ABLIM1: variants seen among roughly 807,000 people sequenced by gnomAD.
The protein encoded by ABLIM1 is actin-binding LIM protein 1.
Under a neutral mutation model 107.0 loss-of-function variants are expected in ABLIM1, and 40 were observed. That is an observed-to-expected ratio of 0.37 (90% CI 0.29 to 0.49). ABLIM1 has a LOEUF of 0.49. Among genes scored for constraint, ABLIM1 ranks in the 20% least tolerant of loss-of-function variants. The probability of loss-of-function intolerance (pLI) is 0.97; values close to 1 mark genes in which losing one functional copy is unlikely to be tolerated. For synonymous variants in ABLIM1, 357 were observed against 357.3 expected (o/e 1.00, Z 0.01); for missense variants, 857 against 1,008.5 (o/e 0.85, Z 2.04).
At chr10:114,441,165 T>G in intron 18 of ABLIM1, 88 bp from the exon 19 acceptor site, 1 of 1,358,894 alleles carries the variant, frequency 7.4e-7, no homozygotes, top group Middle Eastern at 2.5e-4. Context: ...TACAAAATCC[T>G]AGGAATTCTT....
At chr10:114,673,150 T>C (rs1217058675) in intron 1 of ABLIM1, among the ~76,000 whole-genome samples, 1 of 150,876 alleles carries the variant, frequency 6.6e-6, no homozygotes, top group Non-Finnish European at 1.5e-5. Context: ...CCCAGCTACT[T>C]AGGAGGCTGA....
Position 114,435,182 on chromosome 10 carries a change from T to C in ABLIM1, c.*1078A>G, listed in dbSNP as rs1435436687. The C allele has an allele frequency of 6.6e-6, 1 of 151,852 alleles. No homozygotes were observed. Among genetic ancestry groups the C allele is most frequent in the African/African-American group, 2.4e-5 (1 of 41,288 alleles). 9.4% of individuals were successfully genotyped at this position (151,852 alleles called of 1,614,324 possible). On this transcript the variant is annotated 3_prime_UTR_variant, in exon 23 of 23. Coordinates refer to ENST00000533213, the MANE Select transcript of ABLIM1 (RefSeq NM_002313.7). The stretch of plus-strand genomic sequence containing the variant: ...ACGTTCGAAGGAGTCTACTTTGGAG[T>C]TGCAGAGATTTAAAAGAGAAAAACA...
intron 6 of ABLIM1, among the ~76,000 whole-genome samples, chr10:114,516,172 A>T (rs887333013): frequency 1.3e-5 from 2 of 151,916 alleles, no homozygotes; most frequent in African/African-American, 4.8e-5. Flanking sequence ...GTGAGCAGGT[A>T]TCAATTTTAA....
chr10:114,684,959 A>T (rs1298414278), exon 1 of ABLIM1: 2 of 156,982 alleles, frequency 1.3e-5, no homozygotes, highest in African/African-American at 4.8e-5. Context: ...CAGCCTGATT[A>T]TTCATTATGG....
intron 1 of ABLIM1, among the ~76,000 whole-genome samples, chr10:114,667,440 T>C (rs17092260): frequency 0.018 from 2,681 of 152,322 alleles, 31 homozygotes; most frequent in Middle Eastern, 0.058. Context: ...ATACAGTCTT[T>C]TCTCTTTAAC....
chr10:114,508,157 T>C (rs528040874), intron 6 of ABLIM1, among the ~76,000 whole-genome samples: 1 of 152,310 alleles, frequency 6.6e-6, no homozygotes, highest in Non-Finnish European at 1.5e-5. Context: ...AAAATTTTTT[T>C]TCTACCTGAG....
At chr10:114,732,397 C>T (rs1027989510) in intron 1 of ABLIM1, among the ~76,000 whole-genome samples, 1 of 151,960 alleles carries the variant, frequency 6.6e-6, no homozygotes, top group Non-Finnish European at 1.5e-5. Flanking sequence ...AAGTCCCTTG[C>T]AAATTTTAAA....
chr10:114,536,225 T>TTCTTTTTTTC (rs1401798463), intron 6 of ABLIM1, among the ~76,000 whole-genome samples: 2 of 84,068 alleles, frequency 2.4e-5, no homozygotes. Context: ...CCTTCTTTCT[T>TTCTTTTTTTC]TGTTTTTTTT....
Position 114,441,009 on chromosome 10 carries a change from A to G in ABLIM1, c.2059+8T>C. 2 of 1,584,330 alleles carry G rather than the reference A, an allele frequency of 1.3e-6. No homozygotes were observed. The highest frequency in any genetic ancestry group is 1.7e-6 in the Non-Finnish European group (2 of 1,163,788). On this transcript the variant is annotated splice_region_variant and intron_variant, in intron 19 of 22. Coordinates refer to ENST00000533213, the MANE Select transcript of ABLIM1 (RefSeq NM_002313.7). Reference sequence around the variant, plus strand: ...TGGCCATGCTCAGCCTGGCCATGGGAGCCTCACCTCGCACTCCCCCGCTGA... The same window carrying G: ...TGGCCATGCTCAGCCTGGCCATGGGGGCCTCACCTCGCACTCCCCCGCTGA...
intron 1 of ABLIM1, among the ~76,000 whole-genome samples, chr10:114,678,044 C>T (rs1171532234): frequency 2.0e-5 from 3 of 152,056 alleles, no homozygotes; most frequent in Non-Finnish European, 1.5e-5. Context: ...TTTTTAATTC[C>T]TTTAGTTCCT....
upstream of ABLIM1, among the ~76,000 whole-genome samples, chr10:114,770,821 C>T (rs1358543245): frequency 6.6e-6 from 1 of 151,986 alleles, no homozygotes; most frequent in Non-Finnish European, 1.5e-5. Flanking sequence ...GAACTGTGTG[C>T]CTTCTTTTTA....
intron 4 of ABLIM1, among the ~76,000 whole-genome samples, chr10:114,560,425 G>A (rs1231671925): frequency 6.6e-6 from 1 of 152,152 alleles, no homozygotes; most frequent in African/African-American, 2.4e-5. Flanking sequence ...AATTCCTATC[G>A]CCTTGTGACA....
chr10:114,621,365 C>T (rs970327657), intron 1 of ABLIM1, among the ~76,000 whole-genome samples: 6 of 152,150 alleles, frequency 3.9e-5, no homozygotes, highest in African/African-American at 1.2e-4. Flanking sequence ...GTTGCTATAT[C>T]TAGATGGCTT....
intron 1 of ABLIM1, among the ~76,000 whole-genome samples, chr10:114,726,809 C>G (rs979935641): frequency 6.6e-6 from 1 of 151,870 alleles, no homozygotes; most frequent in African/African-American, 2.4e-5. Context: ...AGAACAGCAC[C>G]CAGGGGATGG....
At chr10:114,752,081 A>T (rs1341549366) in intron 1 of ABLIM1, among the ~76,000 whole-genome samples, 1 of 152,232 alleles carries the variant, frequency 6.6e-6, no homozygotes. Context: ...AACTCCAGCC[A>T]AGATGATGCA....
chr10:114,558,147 G>GTGTT (rs969983478), intron 4 of ABLIM1, among the ~76,000 whole-genome samples: 88 of 152,164 alleles, frequency 5.8e-4, no homozygotes, highest in African/African-American at 2.0e-3. Context: ...CAAACCCCTG[G>GTGTT]TATTTCGGTA....
At position 114,512,853 on chromosome 10, in the gene ABLIM1, AAAGAAGGAAGGAAGGAAG is replaced by A. The variant is rs1565724695; in HGVS notation, c.895-20993_895-20976del. Among the ~76,000 whole-genome samples the A allele has an allele frequency of 7.9e-3, 967 of 121,920 alleles. 15 individuals carry two copies. The highest frequency in any genetic ancestry group is 0.026 in the African/African-American group (808 of 31,492). The allele number at this position is 121,920 out of a possible 152,430, so 80.0% of individuals were successfully genotyped here. A position where few individuals can be genotyped will look rare whatever the true frequency, so the allele number is the denominator to read the frequency against. On this transcript the variant is annotated intron_variant, in intron 6 of 22. Transcript: ENST00000533213. ...GAAGGAAGGAAGGAAGGAAGGAAGG[AAAGAAGGAAGGAAGGAAG>A]GAAGGAAGGAAGGAAGGAAGGAAGG...
chr10:114,543,272 A>G (rs981786272), intron 6 of ABLIM1, among the ~76,000 whole-genome samples: 17 of 152,196 alleles, frequency 1.1e-4, no homozygotes, highest in African/African-American at 3.1e-4. Flanking sequence ...AAATATTTTC[A>G]TCACCCCAAA....
chr10:114,573,136 T>C (rs1172813232), intron 3 of ABLIM1, among the ~76,000 whole-genome samples: 4 of 152,204 alleles, frequency 2.6e-5, no homozygotes, highest in African/African-American at 9.6e-5. Context: ...CCTCCCTATA[T>C]CCTCTGCCCA....
Sources: gnomAD v4.1 joint callset for allele counts (sites outside exome capture counted in the v4.1 genomes callset) on GRCh38, gnomAD v4.1.1 for gene constraint, MANE v1.5 for transcripts, NCBI Gene and HGNC (gene_info 2026-07-23, HGNC 2026-07-21) for gene names.